The following SVIL variants were observed in gnomAD, a reference collection of about 807,000 sequenced individuals.
The protein encoded by SVIL is supervillin, also known as archvillin.
SVIL carries 101 observed loss-of-function variants against 240.4 expected under a neutral mutation model. The ratio of observed to expected loss-of-function variants is 0.42; its 90% CI spans 0.36 to 0.50. SVIL has a LOEUF of 0.50. Among genes scored for constraint, SVIL ranks in the 20% least tolerant of loss-of-function variants. The pLI is 0.01. For missense variants in SVIL, 2,512 were observed against 2,818.7 expected (o/e 0.89, Z 2.46); for synonymous variants, 999 against 1,100.0 (o/e 0.91, Z 1.82).
chr10:29,621,702 CTGGCCTCTTCT>C (rs989001001), intron 1 of SVIL, among the ~76,000 whole-genome samples: 7 of 152,240 alleles, frequency 4.6e-5, no homozygotes, highest in African/African-American at 1.7e-4. Flanking sequence ...ACCTGGGGGT[CTGGCCTCTTCT>C]TGATCCTAAT....
At chr10:29,462,215 A>G in intron 36 of SVIL, 62 bp downstream of exon 36, 1 of 1,559,112 alleles carries the variant, frequency 6.4e-7, no homozygotes, top group Non-Finnish European at 8.7e-7. Context: ...CCCCAAAGTA[A>G]AGTTAACCCA....
intron 2 of SVIL, among the ~76,000 whole-genome samples, chr10:29,567,885 C>T (rs1463155021): frequency 1.3e-5 from 2 of 151,932 alleles, no homozygotes; most frequent in East Asian, 1.9e-4. Flanking sequence ...GGCCTGGTGG[C>T]GGGTGCCTGT....
chr10:29,531,855 G>T, intron 9 of SVIL, 147 bp downstream of exon 9: 2 of 952,234 alleles, frequency 2.1e-6, no homozygotes, highest in South Asian at 1.8e-5. Flanking sequence ...TTTTAAATAA[G>T]CCAAATAAAT....
At chr10:29,533,504 C>T (rs1281536996) in intron 7 of SVIL, 46 bp from the exon 8 acceptor site, 1 of 1,567,272 alleles carries the variant, frequency 6.4e-7, no homozygotes, top group African/African-American at 1.4e-5. Flanking sequence ...CAGTAACGGC[C>T]TCACAGGAGG....
chr10:29,512,556 C>T (rs1469814531), intron 17 of SVIL, among the ~76,000 whole-genome samples, 179 bp downstream of exon 17: 2 of 152,232 alleles, frequency 1.3e-5, no homozygotes, highest in Non-Finnish European at 2.9e-5. Flanking sequence ...AAAACATCTC[C>T]AGGCACAGCC....
intron 16 of SVIL, 78 bp from the exon 17 acceptor site, chr10:29,512,939 G>A (rs1409097137): frequency 5.8e-6 from 9 of 1,543,336 alleles, no homozygotes; most frequent in South Asian, 1.2e-5. Context: ...CTAGGTAAGA[G>A]AGGCGGCTTG....
At chr10:29,529,204 GA>G (rs938933783) in intron 12 of SVIL, among the ~76,000 whole-genome samples, 1 of 105,542 alleles carries the variant, frequency 9.5e-6, no homozygotes, top group Non-Finnish European at 2.0e-5. Flanking sequence ...AAAAAAAAAA[GA>G]AAAAAAGAAA....
At chr10:29,673,601 G>C (rs1959969099) in intron 2 of SVIL, among the ~76,000 whole-genome samples, 2 of 146,884 alleles carry the variant, frequency 1.4e-5, no homozygotes, top group African/African-American at 4.9e-5. Flanking sequence ...GAGAGAGAGA[G>C]AGAGCTAGGG....
At chr10:29,549,770 A>G (rs12572382) in intron 6 of SVIL, among the ~76,000 whole-genome samples, 48,637 of 130,686 alleles carry the variant, frequency 0.37, 8,610 homozygotes, top group East Asian at 0.4. Flanking sequence ...ACTATCGCAA[A>G]AACAAAAAAC....
At position 29,634,459 on chromosome 10, in the gene SVIL, G is replaced by A. The variant is rs1225716199; in HGVS notation, c.-240C>T. 1 of 152,048 alleles carries A rather than the reference G, an allele frequency of 6.6e-6. No individual in the cohort carries two copies. Among genetic ancestry groups the A allele is most frequent in the East Asian group, 1.9e-4 (1 of 5,200 alleles). 9.4% of individuals were successfully genotyped at this position (152,048 alleles called of 1,614,324 possible). ...TAATCCTCGTTCCTCTAAGTTAAAG[G>A]GGGAAAGAAAATCACACTGCAATTC... is the stretch of plus-strand genomic sequence containing the variant. On this transcript the variant is annotated 5_prime_UTR_variant, in exon 1 of 38. Coordinates refer to ENST00000355867, the MANE Select transcript of SVIL (RefSeq NM_021738.3).
chr10:29,651,997 T>C (rs1471946889), intron 3 of SVIL, among the ~76,000 whole-genome samples: 2 of 149,526 alleles, frequency 1.3e-5, no homozygotes, highest in Non-Finnish European at 3.0e-5. Flanking sequence ...AACCGTCCAA[T>C]ATATGTAAGA....
At chr10:29,511,603 A>T (rs766879346) in intron 17 of SVIL, among the ~76,000 whole-genome samples, 3 of 152,246 alleles carry the variant, frequency 2.0e-5, no homozygotes, top group Non-Finnish European at 4.4e-5. Flanking sequence ...TGAAATCTGA[A>T]TTTCACACGG....
At chr10:29,667,988 C>T (rs1265597052) in intron 2 of SVIL, among the ~76,000 whole-genome samples, 1 of 152,152 alleles carries the variant, frequency 6.6e-6, no homozygotes, top group Non-Finnish European at 1.5e-5. Context: ...TGGAATAGGG[C>T]TATTGTCATC....
intron 25 of SVIL, 57 bp from the exon 26 acceptor site, chr10:29,486,287 T>A: frequency 6.3e-7 from 1 of 1,598,796 alleles, no homozygotes; most frequent in South Asian, 1.1e-5. Context: ...GTAGCTGCAA[T>A]GTAAAATGTG....
At chr10:29,475,334 T>C (rs1946079719) in intron 29 of SVIL, 1 of 152,248 alleles carries the variant, frequency 6.6e-6, no homozygotes, top group South Asian at 2.1e-4. Flanking sequence ...TAGATGTTAC[T>C]ACAGACATCC....
intron 15 of SVIL, among the ~76,000 whole-genome samples, chr10:29,523,164 AG>A (rs1950671427): frequency 6.6e-6 from 1 of 152,138 alleles, no homozygotes; most frequent in South Asian, 2.1e-4. Flanking sequence ...AATTTCTAAA[AG>A]GGGCCACCAG....
At chr10:29,704,832 C>T (rs1962776895) in intron 1 of SVIL, among the ~76,000 whole-genome samples, 1 of 152,300 alleles carries the variant, frequency 6.6e-6, no homozygotes, top group Admixed American at 6.5e-5. Flanking sequence ...AACCAAAAGA[C>T]ATGCAGACAC....
chr10:29,614,858 G>A (rs1957375068), intron 1 of SVIL, among the ~76,000 whole-genome samples: 1 of 151,986 alleles, frequency 6.6e-6, no homozygotes, highest in Non-Finnish European at 1.5e-5. Flanking sequence ...GAATCATTTG[G>A]GTCCTAATGA....
In SVIL at chr10:29,527,584, G is replaced by A. The variant is rs139882428; in HGVS notation, c.2247-528C>T. On this transcript the variant is annotated intron_variant, in intron 12 of 37. Coordinates refer to ENST00000355867, the MANE Select transcript of SVIL (RefSeq NM_021738.3). ...TGGGATTACAGGCGCGCACCACCACGCCCAGTTAATTTTTGTATTTTTATT... is the reference window on the plus strand; with the variant it reads ...TGGGATTACAGGCGCGCACCACCACACCCAGTTAATTTTTGTATTTTTATT... Among the ~76,000 whole-genome samples the A allele has an allele frequency of 2.5e-3, 380 of 151,736 alleles. 12 individuals carry two copies. The South Asian group carries it at 0.05, about 20-fold the overall frequency.
Sources: gnomAD v4.1 joint callset for allele counts (sites outside exome capture counted in the v4.1 genomes callset) on GRCh38, gnomAD v4.1.1 for gene constraint, MANE v1.5 for transcripts, NCBI Gene and HGNC (gene_info 2026-07-23, HGNC 2026-07-21) for gene names.